Variants in GRM1 observed in about 807,000 individuals in gnomAD.
GRM1 encodes the protein metabotropic glutamate receptor 1.
Under a neutral mutation model 90.9 loss-of-function variants are expected in GRM1, and 33 were observed. The ratio of observed to expected loss-of-function variants is 0.36; its 90% CI spans 0.28 to 0.49. The LOEUF (loss-of-function observed/expected upper bound fraction) is 0.49. Among genes scored for constraint, GRM1 ranks in the 20% least tolerant of loss-of-function variants. The probability of loss-of-function intolerance (pLI) is 0.99; values close to 1 mark genes in which losing one functional copy is unlikely to be tolerated. For synonymous variants in GRM1, 700 were observed against 613.2 expected, an observed-to-expected ratio of 1.14 and a Z score of -2.09; for missense variants, 1,190 against 1,534.3, an observed-to-expected ratio of 0.78 and a Z score of 3.75.
chr6:146,368,851 G>A (rs1298637380), intron 5 of GRM1, among the ~76,000 whole-genome samples: 1 of 151,966 alleles, frequency 6.6e-6, no homozygotes, highest in Non-Finnish European at 1.5e-5. Flanking sequence ...TCAGGATAAT[G>A]ATGGCTTTGT....
intron 3 of GRM1, among the ~76,000 whole-genome samples, chr6:146,338,565 A>G (rs574064553): frequency 1.6e-4 from 24 of 152,336 alleles, no homozygotes; most frequent in South Asian, 2.1e-4. Context: ...ACTGAACACC[A>G]TCTAGCAGAT....
At chr6:146,188,692 G>T (rs995873011) in intron 2 of GRM1, among the ~76,000 whole-genome samples, 1 of 152,098 alleles carries the variant, frequency 6.6e-6, no homozygotes, top group Non-Finnish European at 1.5e-5. Flanking sequence ...GAATGCTGAC[G>T]AAACGTTTGC....
At chr6:146,375,466 A>T (rs943826803) in intron 5 of GRM1, among the ~76,000 whole-genome samples, 1 of 152,002 alleles carries the variant, frequency 6.6e-6, no homozygotes, top group African/African-American at 2.4e-5. Context: ...TCTGACTGAA[A>T]GATCTGTCTA....
At chr6:146,043,047 C>T (rs1354343687) in intron 1 of GRM1, among the ~76,000 whole-genome samples, 1 of 151,828 alleles carries the variant, frequency 6.6e-6, no homozygotes, top group East Asian at 1.9e-4. Flanking sequence ...CATATAATAG[C>T]AGCACTTTGG....
intron 2 of GRM1, among the ~76,000 whole-genome samples, chr6:146,267,686 G>A (rs1446281364): frequency 9.6e-6 from 1 of 104,432 alleles, no homozygotes; most frequent in African/African-American, 8.8e-5. Flanking sequence ...GGCTGGGCTC[G>A]GCTCGGCTCG....
intron 7 of GRM1, among the ~76,000 whole-genome samples, chr6:146,425,592 GA>G (rs1389023819): frequency 6.6e-6 from 1 of 152,186 alleles, no homozygotes; most frequent in African/African-American, 2.4e-5. Flanking sequence ...TGATGAGTTT[GA>G]GGAGCCCTGT....
intron 3 of GRM1, among the ~76,000 whole-genome samples, chr6:146,328,925 A>T (rs563359719): frequency 8.5e-4 from 130 of 152,264 alleles, no homozygotes; most frequent in African/African-American, 3.0e-3. Context: ...GTTATCCTTC[A>T]TCCTCAATAG....
chr6:146,124,817 G>T (rs1293748395), intron 1 of GRM1, among the ~76,000 whole-genome samples: 2 of 152,080 alleles, frequency 1.3e-5, no homozygotes, highest in Non-Finnish European at 2.9e-5. Context: ...AAAACTTCAA[G>T]AATCCATTGC....
At chr6:146,043,051 A>C (rs905283155) in intron 1 of GRM1, among the ~76,000 whole-genome samples, 12 of 151,838 alleles carry the variant, frequency 7.9e-5, no homozygotes, top group African/African-American at 2.9e-4. Flanking sequence ...TAATAGCAGC[A>C]CTTTGGAAAG....
At chr6:146,203,927 A>G (rs1455674095) in intron 2 of GRM1, among the ~76,000 whole-genome samples, 1 of 152,196 alleles carries the variant, frequency 6.6e-6, no homozygotes, top group Non-Finnish European at 1.5e-5. Context: ...GATAGCAAAA[A>G]TCTTTTCAAA....
chr6:146,314,159 C>T (rs1358381044), intron 3 of GRM1, among the ~76,000 whole-genome samples: 4 of 146,950 alleles, frequency 2.7e-5, no homozygotes, highest in Non-Finnish European at 4.4e-5. Flanking sequence ...CTCTGCCTCC[C>T]AGGTTCAAGC....
In GRM1 at chr6:146,435,168, C is replaced by T. The variant is rs1778558651; in HGVS notation, c.*372C>T. The T allele has an allele frequency of 8.4e-6, 3 of 357,692 alleles. No individual in the cohort carries two copies. In the Admixed American group the frequency reaches 1.2e-4, roughly 15 times the overall value. The allele number at this position is 357,692 out of a possible 1,614,324, so 22.2% of individuals were successfully genotyped here. A position where few individuals can be genotyped will look rare whatever the true frequency, so the allele number is the denominator to read the frequency against. Reference sequence around the variant, plus strand: ...ATAGATATATATATGCCCACACACACTGGGCCATGCTTGCCAAGGAACAGC... The same window carrying T: ...ATAGATATATATATGCCCACACACATTGGGCCATGCTTGCCAAGGAACAGC... On this transcript the variant is annotated 3_prime_UTR_variant, in exon 8 of 8. Transcript: ENST00000282753.
intron 5 of GRM1, among the ~76,000 whole-genome samples, chr6:146,370,812 A>C (rs1775869303): frequency 6.6e-6 from 1 of 152,068 alleles, no homozygotes; most frequent in South Asian, 2.1e-4. Flanking sequence ...TGCAAAATGT[A>C]CACAATTAAC....
At chr6:146,258,931 A>C (rs1426558845) in intron 2 of GRM1, among the ~76,000 whole-genome samples, 2 of 152,132 alleles carry the variant, frequency 1.3e-5, no homozygotes, top group African/African-American at 2.4e-5. Flanking sequence ...ATAGATATAC[A>C]TTTGCTGAAC....
At chr6:146,064,172 A>C (rs1775767255) in intron 1 of GRM1, among the ~76,000 whole-genome samples, 1 of 152,212 alleles carries the variant, frequency 6.6e-6, no homozygotes, top group African/African-American at 2.4e-5. Context: ...ATAGTTAAGA[A>C]TTAGCAAGTC....
intron 5 of GRM1, among the ~76,000 whole-genome samples, chr6:146,374,953 G>A (rs1200668111): frequency 6.6e-6 from 1 of 151,886 alleles, no homozygotes; most frequent in Non-Finnish European, 1.5e-5. Context: ...AAGATGCACT[G>A]TTAGATTGTT....
At chr6:146,389,484 T>C (rs1776638631) in intron 6 of GRM1, among the ~76,000 whole-genome samples, 1 of 152,142 alleles carries the variant, frequency 6.6e-6, no homozygotes, top group South Asian at 2.1e-4. Flanking sequence ...TCCTTGGAGA[T>C]GCTCTATTGT....
intron 6 of GRM1, among the ~76,000 whole-genome samples, 160 bp downstream of exon 6, chr6:146,387,176 T>G (rs1776539834): frequency 6.6e-6 from 1 of 152,128 alleles, no homozygotes; most frequent in South Asian, 2.1e-4. Flanking sequence ...CCTCATAAGT[T>G]TTCTATAATC....
intron 2 of GRM1, among the ~76,000 whole-genome samples, chr6:146,234,331 A>G (rs1421465035): frequency 6.6e-6 from 1 of 152,026 alleles, no homozygotes; most frequent in East Asian, 1.9e-4. Context: ...TTTTCATCAT[A>G]TTAATTATGG....
Sources: gnomAD v4.1 joint callset for allele counts (sites outside exome capture counted in the v4.1 genomes callset) on GRCh38, gnomAD v4.1.1 for gene constraint, MANE v1.5 for transcripts, NCBI Gene and HGNC (gene_info 2026-07-23, HGNC 2026-07-21) for gene names.